SSBP3: variants seen among roughly 807,000 people sequenced by gnomAD.
The protein encoded by SSBP3 is single stranded DNA binding protein 3.
SSBP3 carries 5 observed loss-of-function variants against 69.6 expected under a neutral mutation model. The observed-to-expected ratio is 0.07, with a 90% CI of 0.04 to 0.15. The LOEUF (loss-of-function observed/expected upper bound fraction) is 0.15. SSBP3 is among the 10% of genes least tolerant of loss of function. SSBP3 has a pLI of 1.00. For synonymous variants in SSBP3, 196 were observed against 193.4 expected (o/e 1.01, Z -0.11); for missense variants, 312 against 534.0 (o/e 0.58, Z 4.10).
chr1:54,371,607 A>T (rs1374419999), intron 4 of SSBP3, among the ~76,000 whole-genome samples: 1 of 152,208 alleles, frequency 6.6e-6, no homozygotes, highest in East Asian at 1.9e-4. Flanking sequence ...TTCTAAAGTG[A>T]GGCTAAAATC....
chr1:54,351,526 C>T (rs1646780508), intron 4 of SSBP3, among the ~76,000 whole-genome samples: 1 of 152,228 alleles, frequency 6.6e-6, no homozygotes, highest in East Asian at 1.9e-4. Context: ...TAAATGACTC[C>T]AGTCACTTAT....
intron 4 of SSBP3, chr1:54,326,609 G>C (rs913357213): frequency 6.6e-6 from 1 of 152,190 alleles, no homozygotes; most frequent in Non-Finnish European, 1.5e-5. Context: ...GCACACACAC[G>C]CGAGCCAGGC....
exon 2 of SSBP3, chr1:54,404,871 G>A (rs377139325): frequency 5.0e-6 from 8 of 1,611,332 alleles, no homozygotes; most frequent in Non-Finnish European, 6.8e-6. Context: ...CGATAAGAAG[G>A]TCTGTGCAGA....
intron 4 of SSBP3, among the ~76,000 whole-genome samples, chr1:54,289,836 G>A (rs911367349): frequency 6.6e-6 from 1 of 152,118 alleles, no homozygotes; most frequent in Non-Finnish European, 1.5e-5. Context: ...TGTGGGGCTT[G>A]TTCGCTTTCC....
rs1337074667 is a variant in SSBP3 at position 54,258,411 on chromosome 1, G to A, written c.367-262C>T. Among the ~76,000 whole-genome samples the A allele has an allele frequency of 6.6e-6, 1 of 152,202 alleles. No individual in the cohort carries two copies. Among genetic ancestry groups the A allele is most frequent in the Middle Eastern group, 3.2e-3 (1 of 316 alleles). The stretch of plus-strand genomic sequence containing the variant: ...CAAAAAATGAAGCACCTCTGTCAAA[G>A]CACACGGGAGTACAGTCCTGGACAC... On this transcript the variant is annotated intron_variant, in intron 5 of 17. Transcript: ENST00000610401. The surrounding 1 kb of genome is among the most constrained non-coding windows in gnomAD (Gnocchi z 4.5).
At chr1:54,253,211 A>T (rs1215511992) in intron 7 of SSBP3, among the ~76,000 whole-genome samples, 2 of 137,902 alleles carry the variant, frequency 1.5e-5, no homozygotes. Context: ...TTTTTTTAAG[A>T]CAGGGTCGCT....
chr1:54,387,608 T>A (rs1244406770), intron 4 of SSBP3, among the ~76,000 whole-genome samples: 1 of 152,208 alleles, frequency 6.6e-6, no homozygotes, highest in Admixed American at 6.5e-5. Flanking sequence ...ACACCCTTTC[T>A]CTTAATAACC....
chr1:54,370,947 C>T (rs764879099), intron 4 of SSBP3, among the ~76,000 whole-genome samples: 2 of 152,004 alleles, frequency 1.3e-5, no homozygotes, highest in East Asian at 1.9e-4. Context: ...AGCACTGTGC[C>T]GTAAGCACAC....
At chr1:54,262,732 G>A (rs912517473) in intron 5 of SSBP3, among the ~76,000 whole-genome samples, 10 of 152,338 alleles carry the variant, frequency 6.6e-5, no homozygotes, top group African/African-American at 2.2e-4. Flanking sequence ...TGAGCCAACC[G>A]GAACTGGGAT....
Position 54,340,241 on chromosome 1 carries a change from T to G in SSBP3, c.277-58714A>C, listed in dbSNP as rs187755121. Among the ~76,000 whole-genome samples, 40 of 152,350 alleles carry G rather than the reference T, an allele frequency of 2.6e-4. No individual in the cohort carries two copies. In the East Asian group the frequency reaches 3.3e-3, roughly 12 times the overall value. ...TTCCAGATATCAAAAAGAAACACCC[T>G]GCACAAAGAAAGTCCTCTAAAGGTA... On this transcript the variant is annotated intron_variant, in intron 4 of 17. Transcript: ENST00000610401.
chr1:54,345,058 C>T (rs1002933756), intron 4 of SSBP3, among the ~76,000 whole-genome samples: 1 of 152,128 alleles, frequency 6.6e-6, no homozygotes, highest in Non-Finnish European at 1.5e-5. Flanking sequence ...GCTTTCTACT[C>T]CACTCCTGTC....
chr1:54,257,040 T>G, intron 7 of SSBP3, 87 bp downstream of exon 7: 2 of 1,388,162 alleles, frequency 1.4e-6, no homozygotes, highest in Non-Finnish European at 2.0e-6. Context: ...CCTCAATCCT[T>G]TCCCTCAACT....
At chr1:54,277,916 G>A (rs78540431) in intron 5 of SSBP3, among the ~76,000 whole-genome samples, 38 of 152,104 alleles carry the variant, frequency 2.5e-4, no homozygotes, top group African/African-American at 7.2e-4. Flanking sequence ...CAGCCCAACC[G>A]AGCTAAGCTG....
At chr1:54,235,541 C>T (rs1174621037) in intron 14 of SSBP3, among the ~76,000 whole-genome samples, 3 of 150,410 alleles carry the variant, frequency 2.0e-5, no homozygotes, top group Admixed American at 6.6e-5. Flanking sequence ...CTGCAACCTC[C>T]GCCTCCCGGG....
chr1:54,362,640 C>T (rs1199186551), intron 4 of SSBP3, among the ~76,000 whole-genome samples: 1 of 152,234 alleles, frequency 6.6e-6, no homozygotes, highest in Non-Finnish European at 1.5e-5. Flanking sequence ...ATCCCCCACC[C>T]TATAAGCTCC....
intron 4 of SSBP3, among the ~76,000 whole-genome samples, chr1:54,383,902 C>T (rs1372632167): frequency 1.3e-5 from 2 of 151,978 alleles, no homozygotes; most frequent in Non-Finnish European, 2.9e-5. Flanking sequence ...GTCAGGAGAT[C>T]GAGACCATCC....
intron 5 of SSBP3, among the ~76,000 whole-genome samples, chr1:54,272,939 G>A (rs566214318): frequency 6.6e-6 from 1 of 152,338 alleles, no homozygotes; most frequent in East Asian, 1.9e-4. Flanking sequence ...AGCAAGAACA[G>A]AGCCCAGGCC....
intron 4 of SSBP3, among the ~76,000 whole-genome samples, chr1:54,373,069 C>T (rs1647161661): frequency 6.6e-6 from 1 of 152,218 alleles, no homozygotes; most frequent in South Asian, 2.1e-4. Flanking sequence ...ACTCTGTGTG[C>T]CTGGGCCCTC....
At position 54,405,391 on chromosome 1, in the gene SSBP3, C is replaced by A. The variant is rs368562886; in HGVS notation, c.57-461G>T. On this transcript the variant is annotated intron_variant, in intron 1 of 17. Coordinates refer to ENST00000610401, the Ensembl canonical transcript of SSBP3. ...TCCCCCCAAACAACTGTGCCCCAAGCCTGGGGCCAAGCCGGCACCACCGTC... is the reference window on the plus strand; with the variant it reads ...TCCCCCCAAACAACTGTGCCCCAAGACTGGGGCCAAGCCGGCACCACCGTC... 6.9e-3 allele frequency: 1,167 copies of A among 169,992 alleles called. 10 individuals are homozygous for A. The highest frequency in any genetic ancestry group is 0.043 in the East Asian group (276 of 6,474). 10.5% of individuals were successfully genotyped at this position (169,992 alleles called of 1,614,324 possible).
Sources: allele counts gnomAD v4.1 joint callset (sites outside exome capture counted in the v4.1 genomes callset), GRCh38; gene constraint gnomAD v4.1.1; non-coding constraint Gnocchi (gnomAD v3.1); transcripts MANE v1.5; gene names NCBI Gene and HGNC (gene_info 2026-07-23, HGNC 2026-07-21).